RBMS3: variants seen among roughly 807,000 people sequenced by gnomAD.
The protein encoded by RBMS3 is RNA binding motif single stranded interacting protein 3.
Under a neutral mutation model 66.8 loss-of-function variants are expected in RBMS3, and 27 were observed. That is an observed-to-expected ratio of 0.40 (90% CI 0.30 to 0.56). RBMS3 has a LOEUF of 0.56. Among genes scored for constraint, RBMS3 ranks in the 20% least tolerant of loss-of-function variants. The pLI is 0.40. For synonymous variants in RBMS3, 188 were observed against 183.0 expected, an observed-to-expected ratio of 1.03 and a Z score of -0.22; for missense variants, 513 against 549.5, an observed-to-expected ratio of 0.93 and a Z score of 0.66.
At chr3:29,958,801 C>A (rs917579734) in intron 12 of RBMS3, among the ~76,000 whole-genome samples, 20 of 152,106 alleles carry the variant, frequency 1.3e-4, no homozygotes, top group African/African-American at 4.6e-4. Context: ...TGTTAGTGGG[C>A]TAAAGGAAAG....
chr3:29,334,615 T>A (rs9864192), intron 1 of RBMS3, among the ~76,000 whole-genome samples: 13,705 of 152,188 alleles, frequency 0.09, 719 homozygotes, highest in East Asian at 0.24. Context: ...AAATGAGGCT[T>A]ATGGATGATT....
chr3:29,894,654 T>C (rs2060084137), intron 8 of RBMS3, among the ~76,000 whole-genome samples: 2 of 151,636 alleles, frequency 1.3e-5, no homozygotes, highest in African/African-American at 2.4e-5. Flanking sequence ...CTTCAGCAGG[T>C]AAATTTAGGG....
chr3:29,354,248 C>T lies in RBMS3; in HGVS notation c.75+72492C>T, dbSNP rs190444646. ...ACATTTGCTACTCTATCTCATTCCACATGTGTGTGTATGGTGTATATATGT... is the reference window on the plus strand; with the variant it reads ...ACATTTGCTACTCTATCTCATTCCATATGTGTGTGTATGGTGTATATATGT... On this transcript the variant is annotated intron_variant, in intron 1 of 14. Coordinates refer to ENST00000383767, the MANE Select transcript of RBMS3 (RefSeq NM_001003793.3). Among the ~76,000 whole-genome samples, 28 of 152,248 alleles carry T rather than the reference C, an allele frequency of 1.8e-4. No individual in the cohort carries two copies. In the East Asian group the frequency reaches 5.2e-3, roughly 28 times the overall value.
intron 12 of RBMS3, among the ~76,000 whole-genome samples, chr3:29,984,699 G>A (rs2149789136): frequency 1.3e-5 from 2 of 152,240 alleles, no homozygotes; most frequent in Admixed American, 1.3e-4. Flanking sequence ...GTTTGCTGGA[G>A]GTCCACTCCA....
chr3:29,937,110 A>G lies in RBMS3; in HGVS notation c.1050+914A>G, dbSNP rs548578448. On this transcript the variant is annotated intron_variant, in intron 11 of 14. Transcript: ENST00000383767. ...GAGGCAGCTTAAATATTGAAGAAAG[A>G]GCACTGGACTAGGAGTCAGAAATCC... Among the ~76,000 whole-genome samples, 5 of 152,186 alleles carry G rather than the reference A, an allele frequency of 3.3e-5. No homozygotes were observed. In the East Asian group the frequency reaches 9.7e-4, roughly 30 times the overall value.
At chr3:29,623,394 C>T (rs1465890930) in intron 4 of RBMS3, among the ~76,000 whole-genome samples, 1 of 151,712 alleles carries the variant, frequency 6.6e-6, no homozygotes, top group Non-Finnish European at 1.5e-5. Context: ...AGATCGAGAC[C>T]ATCCTGGCTA....
At chr3:29,592,089 A>G (rs2047757163) in intron 4 of RBMS3, among the ~76,000 whole-genome samples, 2 of 109,746 alleles carry the variant, frequency 1.8e-5, no homozygotes, top group Admixed American at 9.8e-5. Flanking sequence ...GTTGTCTTCG[A>G]AAAAAAAATA....
chr3:29,491,185 G>A (rs536838769), intron 3 of RBMS3, among the ~76,000 whole-genome samples: 99 of 152,292 alleles, frequency 6.5e-4, no homozygotes, highest in South Asian at 3.7e-3. Flanking sequence ...TAGTGGGAGC[G>A]TGGGTGCTTA....
At chr3:29,912,776 T>C (rs1336455651) in intron 10 of RBMS3, among the ~76,000 whole-genome samples, 1 of 152,038 alleles carries the variant, frequency 6.6e-6, no homozygotes, top group Non-Finnish European at 1.5e-5. Flanking sequence ...GTAAATCCAA[T>C]TGGCTGACAT....
intron 3 of RBMS3, among the ~76,000 whole-genome samples, chr3:29,538,050 A>C (rs1034310661): frequency 7.9e-5 from 12 of 152,172 alleles, no homozygotes; most frequent in African/African-American, 2.7e-4. Context: ...TGGGCCTGTC[A>C]TATTAACCCA....
At chr3:29,928,211 T>TATAC (rs1291440563) in intron 10 of RBMS3, among the ~76,000 whole-genome samples, 2,922 of 93,272 alleles carry the variant, frequency 0.031, 51 homozygotes, top group East Asian at 0.072. Context: ...TATATATATA[T>TATAC]ACACACACAC....
chr3:29,431,948 G>A (rs575307301), intron 1 of RBMS3, among the ~76,000 whole-genome samples: 2 of 152,004 alleles, frequency 1.3e-5, no homozygotes, highest in East Asian at 1.9e-4. Context: ...GACTGGTCTC[G>A]AGCTCCTGGG....
chr3:29,449,738 A>G (rs953570801), intron 2 of RBMS3, among the ~76,000 whole-genome samples: 1 of 152,250 alleles, frequency 6.6e-6, no homozygotes, highest in Non-Finnish European at 1.5e-5. Context: ...CCATCATTTT[A>G]GTGTCATGGT....
intron 1 of RBMS3, among the ~76,000 whole-genome samples, chr3:29,392,718 T>A (rs56006546): frequency 6.6e-6 from 1 of 152,138 alleles, no homozygotes; most frequent in African/African-American, 2.4e-5. Flanking sequence ...CACACAGACA[T>A]ACACACAGAC....
chr3:29,371,363 G>C (rs4386448), intron 1 of RBMS3, among the ~76,000 whole-genome samples: 19,028 of 152,200 alleles, frequency 0.13, 1,750 homozygotes, highest in East Asian at 0.4. Flanking sequence ...GAAATTCCTA[G>C]TGTTGAAAAA....
At chr3:29,721,815 CTCT>C (rs1483692920) in intron 4 of RBMS3, among the ~76,000 whole-genome samples, 2 of 152,130 alleles carry the variant, frequency 1.3e-5, no homozygotes, top group Non-Finnish European at 2.9e-5. Flanking sequence ...ATTTATGTGG[CTCT>C]TCTTTTATTT....
chr3:29,385,623 C>A (rs2038977480), intron 1 of RBMS3, among the ~76,000 whole-genome samples: 1 of 152,128 alleles, frequency 6.6e-6, no homozygotes, highest in South Asian at 2.1e-4. Flanking sequence ...TGACTCACTA[C>A]CTCTCCTTAC....
chr3:29,816,857 C>T (rs1239464722), intron 6 of RBMS3, among the ~76,000 whole-genome samples: 2 of 151,822 alleles, frequency 1.3e-5, no homozygotes, highest in East Asian at 3.9e-4. Context: ...TTTGGGAGAC[C>T]CAGGAGGGTG....
intron 7 of RBMS3, among the ~76,000 whole-genome samples, chr3:29,870,519 C>T (rs2059465209): frequency 6.6e-6 from 1 of 152,070 alleles, no homozygotes; most frequent in Non-Finnish European, 1.5e-5. Flanking sequence ...TGCAGCAAGA[C>T]ACTTCCTCTC....
Sources: gnomAD v4.1 joint callset for allele counts (sites outside exome capture counted in the v4.1 genomes callset) on GRCh38, gnomAD v4.1.1 for gene constraint, MANE v1.5 for transcripts, NCBI Gene and HGNC (gene_info 2026-07-23, HGNC 2026-07-21) for gene names.